Variants in KLHL40 observed in about 807,000 individuals in gnomAD.
KLHL40 encodes kelch-like protein 40.
In KLHL40, 44 loss-of-function variants were observed where a neutral mutation model predicts 49.7. The ratio of observed to expected loss-of-function variants is 0.89; its 90% CI spans 0.70 to 1.14. The LOEUF (loss-of-function observed/expected upper bound fraction) is 1.14, where lower values mean the gene tolerates loss of function less well. Among genes scored for constraint, KLHL40 ranks in the 50% most tolerant of loss-of-function variants. The pLI, the probability that KLHL40 is intolerant of heterozygous loss-of-function variation, is 0.00. For synonymous variants in KLHL40, 409 were observed against 365.2 expected, an observed-to-expected ratio of 1.12 and a Z score of -1.37; for missense variants, 892 against 850.3, an observed-to-expected ratio of 1.05 and a Z score of -0.61.
rs1697390303 is a variant in KLHL40 at position 42,692,436 on chromosome 3, C to T, written c.*443C>T. On this transcript the variant is annotated 3_prime_UTR_variant, in exon 6 of 6. Transcript: ENST00000287777. ...GCCTTCTGAGCAAGCAGCTCAGGGT[C>T]TGCATCAGTGCTCCAAGAGTCAGTG... 6.7e-6 allele frequency: 3 copies of T among 449,432 alleles called. No homozygotes were observed. The highest frequency in any genetic ancestry group is 5.9e-5 in the African/African-American group (3 of 51,048). 27.8% of individuals were successfully genotyped at this position (449,432 alleles called of 1,614,324 possible). A position where few individuals can be genotyped will look rare whatever the true frequency, so the allele number is the denominator to read the frequency against.
chr3:42,685,575 G>A lies in KLHL40; in HGVS notation c.-44G>A, dbSNP rs757262964. On this transcript the variant is annotated 5_prime_UTR_variant, in exon 1 of 6. Transcript: ENST00000287777. ...CCCAGCAGGAAAGCAGGGGTACAGA[G>A]AGGAGCCCCCTTGGCACCGCCACCG... The A allele has an allele frequency of 4.5e-5, 69 of 1,518,108 alleles. No individual in the cohort carries two copies. The highest frequency in any genetic ancestry group is 5.8e-5 in the Non-Finnish European group (65 of 1,128,062). The allele number at this position is 1,518,108 out of a possible 1,614,324, so 94.0% of individuals were successfully genotyped here. A position where few individuals can be genotyped will look rare whatever the true frequency, so the allele number is the denominator to read the frequency against.
Position 42,686,262 on chromosome 3 carries a change from G to A in KLHL40, c.644G>A (p.Arg215His). ...GDAEAQAERQRALPTVFESVR... is the reference protein window; with the variant it reads ...GDAEAQAERQHALPTVFESVR... ...GCCGAGGCGCAGGCTGAGCGCCAGC[G>A]CGCGCTGCCCACCGTCTTCGAGAGC... Residue 215 changes from arginine (R) to histidine (H), a missense_variant, in exon 1 of 6, where the codon CGC (arginine) becomes CAC (histidine). Transcript: ENST00000287777. The A allele has an allele frequency of 1.9e-6, 3 of 1,556,540 alleles. No individual in the cohort carries two copies. Among genetic ancestry groups the A allele is most frequent in the Non-Finnish European group, 2.6e-6 (3 of 1,151,812 alleles).
At chr3:42,691,355 G>T (rs1468607599) in intron 5 of KLHL40, among the ~76,000 whole-genome samples, 1 of 152,086 alleles carries the variant, frequency 6.6e-6, no homozygotes, top group Admixed American at 6.5e-5. Context: ...CTGGAGGGAG[G>T]GCTGCCACTA....
chr3:42,688,446 G>T lies in KLHL40; in HGVS notation c.1313+144G>T, dbSNP rs535456771. On this transcript the variant is annotated intron_variant, in intron 2 of 5. Coordinates refer to ENST00000287777, the MANE Select transcript of KLHL40 (RefSeq NM_152393.4). This position sits in a 1 kb window ranked among gnomAD's most constrained non-coding sequence, Gnocchi z 4.2. Reference sequence around the variant, plus strand: ...GGCTTGGGTAAGGGCGGGGAGGTTGGGGGGCAGGGTGGGATCAAAGAACTG... The same window carrying T: ...GGCTTGGGTAAGGGCGGGGAGGTTGTGGGGCAGGGTGGGATCAAAGAACTG... The T allele has an allele frequency of 6.0e-4, 606 of 1,001,684 alleles. 6 individuals carry two copies. In the East Asian group the frequency reaches 0.015, roughly 25 times the overall value. 62.0% of individuals were successfully genotyped at this position (1,001,684 alleles called of 1,614,324 possible).
chr3:42,685,925 G>A lies in KLHL40; in HGVS notation c.307G>A (p.Asp103Asn). ...CGCGCTGGATGAGGCGAGCGTGCAG[G>A]ATTTGTTCGCCGCGGCACACCGCTT... ...EIALDEASVQ[D>N]LFAAAHRFQI... Residue 103 changes from aspartate to asparagine, a missense_variant, in exon 1 of 6, where the codon GAT (aspartate) becomes AAT (asparagine). Transcript: ENST00000287777. 1 of 1,611,748 alleles carries A rather than the reference G, an allele frequency of 6.2e-7. No homozygotes were observed. The highest frequency in any genetic ancestry group is 8.5e-7 in the Non-Finnish European group (1 of 1,179,986).
Position 42,685,820 on chromosome 3 carries a change from C to G in KLHL40, c.202C>G (p.Arg68Gly), listed in dbSNP as rs771098609. Residue 68 changes from arginine to glycine, a missense_variant, in exon 1 of 6, where the codon CGC (arginine) becomes GGC (glycine). By Grantham distance (125) the Arg-to-Gly change is moderately radical. Coordinates refer to ENST00000287777, the MANE Select transcript of KLHL40 (RefSeq NM_152393.4). ...FRARFLAEPE[R>G]AGELHLEEVS... Reference sequence around the variant, plus strand: ...GGCGCGCTTTCTAGCCGAGCCGGAGCGCGCGGGCGAGCTGCACCTGGAGGA... The same window carrying G: ...GGCGCGCTTTCTAGCCGAGCCGGAGGGCGCGGGCGAGCTGCACCTGGAGGA... 3.1e-6 allele frequency: 5 copies of G among 1,612,880 alleles called. No individual in the cohort carries two copies. The South Asian group carries it at 4.4e-5, about 14-fold the overall frequency.
chr3:42,685,606 T>A lies in KLHL40; in HGVS notation c.-13T>A, dbSNP rs1285516419. The A allele has an allele frequency of 6.4e-7, 1 of 1,572,946 alleles. No homozygotes were observed. Among genetic ancestry groups the A allele is most frequent in the Non-Finnish European group, 8.6e-7 (1 of 1,158,788 alleles). On this transcript the variant is annotated 5_prime_UTR_variant, in exon 1 of 6. Transcript: ENST00000287777. ...CCCCCTTGGCACCGCCACCGCACCC[T>A]AGGCCACCCACCATGGCGCTGGGCT... is the stretch of plus-strand genomic sequence containing the variant.
intron 1 of KLHL40, among the ~76,000 whole-genome samples, chr3:42,687,775 G>A (rs1697297576): frequency 6.6e-6 from 1 of 152,128 alleles, no homozygotes; most frequent in Non-Finnish European, 1.5e-5. Flanking sequence ...GCCGTATTTG[G>A]AAGTTTCCTG....
At chr3:42,687,993 G>A in intron 1 of KLHL40, 149 bp from the exon 2 acceptor site, 2 of 833,262 alleles carry the variant, frequency 2.4e-6, no homozygotes, top group East Asian at 2.7e-5. Flanking sequence ...GATGGTAGGA[G>A]GGGCACTGTT....
chr3:42,691,042 A>T, intron 5 of KLHL40, 37 bp downstream of exon 5: 1 of 1,571,728 alleles, frequency 6.4e-7, no homozygotes, highest in Non-Finnish European at 8.6e-7. Context: ...GGGCATCATG[A>T]GCAAGGCTGA....
chr3:42,686,255 C>T lies in KLHL40; in HGVS notation c.637C>T (p.Arg213Cys). The T allele has an allele frequency of 6.4e-7, 1 of 1,552,254 alleles. No homozygotes were observed. The part of the protein sequence containing the change: ...GSGDAEAQAE[R>C]QRALPTVFES... ...CGGCGACGCCGAGGCGCAGGCTGAG[C>T]GCCAGCGCGCGCTGCCCACCGTCTT... Residue 213 changes from arginine to cysteine, a missense_variant, in exon 1 of 6, where the codon CGC (arginine) becomes TGC (cysteine). Physicochemically the swap from Arg to Cys is radical, Grantham distance 180. Transcript: ENST00000287777.
Position 42,686,745 on chromosome 3 carries a change from AC to A in KLHL40, c.1131del (p.Met378Ter). On this transcript the variant is annotated frameshift_variant, in exon 1 of 6. Transcript: ENST00000287777. LOFTEE classifies it high-confidence loss of function. ...TTCTACAACGAAGACAACAAAGAGG[AC>A]CCCATGAGCGCATACTTCCTGCAGG... ...GLFYNEDNKE[D>X]PMSAYFLQFD... 6.2e-7 allele frequency: 1 copy of A among 1,612,002 alleles called. No homozygotes were observed. The highest frequency in any genetic ancestry group is 1.3e-5 in the African/African-American group (1 of 74,936).
Position 42,686,636 on chromosome 3 carries a change from T to C in KLHL40, c.1018T>C (p.Cys340Arg). The change falls in exon 1 of 6, where the codon TGT (cysteine) becomes CGT (arginine). Residue 340 changes from cysteine to arginine, a missense_variant. By Grantham distance (180) the Cys-to-Arg change is radical. Transcript: ENST00000287777. ...AYDPAANECY[C>R]ASLSNQVPKN... ...CGATCCAGCAGCCAACGAGTGCTACTGTGCTTCCCTCTCCAACCAGGTCCC... is the reference window on the plus strand; with the variant it reads ...CGATCCAGCAGCCAACGAGTGCTACCGTGCTTCCCTCTCCAACCAGGTCCC... The C allele has an allele frequency of 6.2e-7, 1 of 1,614,096 alleles. No individual in the cohort carries two copies. Among genetic ancestry groups the C allele is most frequent in the Non-Finnish European group, 8.5e-7 (1 of 1,180,036 alleles).
At position 42,692,536 on chromosome 3, in the gene KLHL40, T is replaced by C; in HGVS notation, c.*543T>C. 1 of 813,718 alleles carries C rather than the reference T, an allele frequency of 1.2e-6. No homozygotes were observed. 50.4% of individuals were successfully genotyped at this position (813,718 alleles called of 1,614,324 possible). On this transcript the variant is annotated 3_prime_UTR_variant, in exon 6 of 6. Coordinates refer to ENST00000287777, the MANE Select transcript of KLHL40 (RefSeq NM_152393.4). ...CAAGGTCGATGGTCTCTGCTCTCCATCTGGTGTCCCCTCCACCCTATGGGT... is the reference window on the plus strand; with the variant it reads ...CAAGGTCGATGGTCTCTGCTCTCCACCTGGTGTCCCCTCCACCCTATGGGT...
chr3:42,687,913 T>C (rs529185886), intron 1 of KLHL40, among the ~76,000 whole-genome samples: 20 of 152,230 alleles, frequency 1.3e-4, no homozygotes, highest in African/African-American at 4.1e-4. Context: ...TGTGGTGCCC[T>C]ACCGCCTGCT....
rs1575220100 is a variant in KLHL40, at chr3:42,688,399, C to G, written c.1313+97C>G. On this transcript the variant is annotated intron_variant, in intron 2 of 5. Transcript: ENST00000287777. The surrounding 1 kb of genome is among the most constrained non-coding windows in gnomAD (Gnocchi z 4.2). ...CCTGGGGTGGGATTTGGAGCTAGAG[C>G]CTTGTGCTTAGAGTGAAGGTGGGCT... The G allele has an allele frequency of 7.1e-7, 1 of 1,402,540 alleles. No homozygotes were observed. Among genetic ancestry groups the G allele is most frequent in the Non-Finnish European group, 9.9e-7 (1 of 1,006,350 alleles). 86.9% of individuals were successfully genotyped at this position (1,402,540 alleles called of 1,614,324 possible).
Position 42,686,529 on chromosome 3 carries a change from G to T in KLHL40, c.911G>T (p.Gly304Val). The T allele has an allele frequency of 6.2e-7, 1 of 1,614,130 alleles. No homozygotes were observed. Among genetic ancestry groups the T allele is most frequent in the Non-Finnish European group, 8.5e-7 (1 of 1,180,008 alleles). The change falls in exon 1 of 6, where the codon GGG becomes GTG. Residue 304 changes from glycine (G) to valine (V), a missense_variant. Transcript: ENST00000287777. ...EDEEAERILP[G>V]ILNDTLRFGM... ...GAGGAGGCCGAACGTATCCTTCCTG[G>T]GATCCTCAATGACACCCTGCGCTTC...
Position 42,688,649 on chromosome 3 carries a change from G to A in KLHL40, c.1353G>A (p.Val451=). 1.2e-6 allele frequency: 2 copies of A among 1,614,026 alleles called. No individual in the cohort carries two copies. The highest frequency in any genetic ancestry group is 1.7e-6 in the Non-Finnish European group (2 of 1,180,012). Residue 451 remains valine (V), a synonymous_variant, in exon 3 of 6, where the codon GTG becomes GTA. Transcript: ENST00000287777. The surrounding 1 kb of genome is among the most constrained non-coding windows in gnomAD (Gnocchi z 4.2). ...KWGESDPLPY[V]VYGHTVLSHM... is the part of the protein sequence containing the mutation. ...GTGAATCGGACCCGCTGCCTTACGTGGTGTATGGCCACACAGTGCTCTCCC... is the reference window on the plus strand; with the variant it reads ...GTGAATCGGACCCGCTGCCTTACGTAGTGTATGGCCACACAGTGCTCTCCC...
chr3:42,686,697 A>C lies in KLHL40; in HGVS notation c.1079A>C (p.Gln360Pro). Residue 360 changes from glutamine to proline, a missense_variant, in exon 1 of 6, where the codon CAG (glutamine) becomes CCG (proline). Coordinates refer to ENST00000287777, the MANE Select transcript of KLHL40 (RefSeq NM_152393.4). ...NHVSLVTKEN[Q>P]VFVAGGLFYN... Reference sequence around the variant, plus strand: ...GTCAGCCTGGTTACCAAGGAGAACCAGGTCTTCGTGGCTGGAGGCCTCTTC... The same window carrying C: ...GTCAGCCTGGTTACCAAGGAGAACCCGGTCTTCGTGGCTGGAGGCCTCTTC... The C allele has an allele frequency of 6.2e-7, 1 of 1,613,760 alleles. No homozygotes were observed. Among genetic ancestry groups the C allele is most frequent in the Non-Finnish European group, 8.5e-7 (1 of 1,180,032 alleles).
Sources: allele counts gnomAD v4.1 joint callset (sites outside exome capture counted in the v4.1 genomes callset), GRCh38; gene constraint gnomAD v4.1.1; non-coding constraint Gnocchi (gnomAD v3.1); transcripts MANE v1.5; gene names NCBI Gene and HGNC (gene_info 2026-07-23, HGNC 2026-07-21).